Variants in UBE4B observed in about 807,000 individuals in gnomAD.
UBE4B encodes ubiquitin conjugation factor E4 B.
In UBE4B, 27 loss-of-function variants were observed where a neutral mutation model predicts 148.1. That is an observed-to-expected ratio of 0.18 (90% CI 0.13 to 0.25). UBE4B has a LOEUF of 0.25. Among genes scored for constraint, UBE4B ranks in the 10% least tolerant of loss-of-function variants. The pLI, the probability that UBE4B is intolerant of heterozygous loss-of-function variation, is 1.00. For missense variants in UBE4B, 1,170 were observed against 1,662.4 expected (o/e 0.70, Z 5.15); for synonymous variants, 596 against 619.3 (o/e 0.96, Z 0.56).
At chr1:10,124,698 A>G (rs1192808973) in intron 10 of UBE4B, among the ~76,000 whole-genome samples, 3 of 151,904 alleles carry the variant, frequency 2.0e-5, no homozygotes, top group Non-Finnish European at 2.9e-5. Context: ...TGAAATATCT[A>G]CCTCCTTTTA....
intron 2 of UBE4B, among the ~76,000 whole-genome samples, chr1:10,093,831 A>G (rs1644887250): frequency 6.6e-6 from 1 of 151,804 alleles, no homozygotes; most frequent in Non-Finnish European, 1.5e-5. Flanking sequence ...AGTAGCTGGG[A>G]TTATAGGAGT....
At chr1:10,162,416 G>A (rs531387696) in intron 23 of UBE4B, among the ~76,000 whole-genome samples, 8 of 151,870 alleles carry the variant, frequency 5.3e-5, no homozygotes, top group African/African-American at 1.7e-4. Flanking sequence ...CTTGTGATCC[G>A]CCTTCCTCGG....
chr1:10,125,345 G>A (rs1034936471), intron 10 of UBE4B, among the ~76,000 whole-genome samples: 1 of 152,174 alleles, frequency 6.6e-6, no homozygotes, highest in African/African-American at 2.4e-5. Context: ...GCATTCCCCA[G>A]CTCCACACCT....
intron 2 of UBE4B, among the ~76,000 whole-genome samples, chr1:10,090,284 T>C (rs1644825531): frequency 1.3e-5 from 2 of 152,154 alleles, no homozygotes; most frequent in South Asian, 4.1e-4. Context: ...CACGCTTGGC[T>C]CATTTTTGTA....
chr1:10,130,907 A>G, intron 14 of UBE4B, 94 bp downstream of exon 14: 2 of 1,128,332 alleles, frequency 1.8e-6, no homozygotes, highest in Non-Finnish European at 2.6e-6. Context: ...CCCAGTAGAC[A>G]AACGGCTAAC....
intron 15 of UBE4B, among the ~76,000 whole-genome samples, chr1:10,134,369 G>A (rs1441532735): frequency 6.6e-6 from 1 of 151,694 alleles, no homozygotes; most frequent in Admixed American, 6.6e-5. Context: ...AAAATTTGCC[G>A]GGCGTGGTGG....
chr1:10,123,288 GGGTGTGGTGACGGGTGTCTGTAATCCCA>G (rs1225394477), intron 10 of UBE4B, among the ~76,000 whole-genome samples: 1 of 151,896 alleles, frequency 6.6e-6, no homozygotes, highest in Non-Finnish European at 1.5e-5. Context: ...AAAATTAACT[GGGTGTGGTGACGGGTGTCTGTAATCCCA>G]GCTACTTGGG....
chr1:10,094,615 T>C (rs970048358), intron 2 of UBE4B, among the ~76,000 whole-genome samples: 3 of 151,786 alleles, frequency 2.0e-5, no homozygotes, highest in East Asian at 1.9e-4. Context: ...TTTGTATTTT[T>C]AGTAGAGACG....
At chr1:10,080,096 T>C (rs907133791) in intron 2 of UBE4B, among the ~76,000 whole-genome samples, 1 of 152,154 alleles carries the variant, frequency 6.6e-6, no homozygotes, top group African/African-American at 2.4e-5. Context: ...TAGATTTTTT[T>C]GGAGCATTTT....
intron 23 of UBE4B, among the ~76,000 whole-genome samples, chr1:10,166,964 CACACACAA>C (rs753904475): frequency 2.1e-5 from 3 of 139,776 alleles, no homozygotes; most frequent in African/African-American, 6.1e-5. Flanking sequence ...CACACACACA[CACACACAA>C]AAAAAAAAAA....
chr1:10,117,732 A>G (rs3762290), intron 8 of UBE4B, 132 bp downstream of exon 8: 194,051 of 1,139,374 alleles, frequency 0.17, 29,568 homozygotes, highest in African/African-American at 0.75. Flanking sequence ...GCCAGGCACA[A>G]TACTAGGAAC....
Position 10,106,413 on chromosome 1 carries a change from A to G in UBE4B, c.1026A>G (p.Ser342=). 1 of 1,613,580 alleles carries G rather than the reference A, an allele frequency of 6.2e-7. No homozygotes were observed. Among genetic ancestry groups the G allele is most frequent in the Non-Finnish European group, 8.5e-7 (1 of 1,179,716 alleles). The change falls in exon 7 of 28, where the codon TCA becomes TCG. Residue 342 remains serine (S), a synonymous_variant. Coordinates refer to ENST00000343090, the MANE Select transcript of UBE4B (RefSeq NM_001105562.3). The surrounding 1 kb of genome is among the most constrained non-coding windows in gnomAD (Gnocchi z 4.2). The part of the protein sequence containing the change: ...PYTVTHPWAS[S]GVSILSSSPS... Reference sequence around the variant, plus strand: ...CTGTCACTCACCCATGGGCGTCCTCAGGCGTCTCCATTCTGTCGAGCTCCC... The same window carrying G: ...CTGTCACTCACCCATGGGCGTCCTCGGGCGTCTCCATTCTGTCGAGCTCCC...
In UBE4B at chr1:10,105,554, A is replaced by T. The variant is rs752009916; in HGVS notation, c.619A>T (p.Met207Leu). 1.5e-5 allele frequency: 25 copies of T among 1,614,066 alleles called. No homozygotes were observed. The East Asian group carries it at 5.6e-4, about 36-fold the overall frequency. Residue 207 changes from methionine (M) to leucine (L), a missense_variant, in exon 6 of 28, where the codon ATG (methionine) becomes TTG (leucine). Transcript: ENST00000343090. The stretch of plus-strand genomic sequence containing the variant: ...TAAGGACTTGATTGGCCAGATTTTA[A>T]TGGAAGTGCTAATGATGTCCACTCA... Reference protein sequence around the residue: ...DFKDLIGQILMEVLMMSTQTR... With the variant: ...DFKDLIGQILLEVLMMSTQTR...
At chr1:10,097,699 A>G (rs2101878939) in intron 3 of UBE4B, among the ~76,000 whole-genome samples, 1 of 152,196 alleles carries the variant, frequency 6.6e-6, no homozygotes, top group East Asian at 1.9e-4. Flanking sequence ...AGTCCCAGCT[A>G]CTTTGGAGGC....
chr1:10,153,114 T>G (rs1646004604), intron 21 of UBE4B, among the ~76,000 whole-genome samples: 1 of 152,040 alleles, frequency 6.6e-6, no homozygotes, highest in Non-Finnish European at 1.5e-5. Context: ...AGTTTTCCAG[T>G]TCTCCTGCAG....
chr1:10,175,126 G>A (rs1450707111), intron 25 of UBE4B, among the ~76,000 whole-genome samples: 1 of 152,142 alleles, frequency 6.6e-6, no homozygotes, highest in Non-Finnish European at 1.5e-5. Context: ...GAGCCACTGA[G>A]CTTGATGCTC....
At chr1:10,150,492 G>A (rs930370458) in intron 20 of UBE4B, among the ~76,000 whole-genome samples, 1 of 152,146 alleles carries the variant, frequency 6.6e-6, no homozygotes, top group Admixed American at 6.5e-5. Flanking sequence ...TTGATCATAG[G>A]TTTTGTTTAT....
chr1:10,108,748 G>A (rs1179497891), intron 7 of UBE4B, among the ~76,000 whole-genome samples: 1 of 152,158 alleles, frequency 6.6e-6, no homozygotes, highest in Admixed American at 6.5e-5. Context: ...TTTGTATTAC[G>A]CTGAACATTT....
In UBE4B at chr1:10,161,326, C is replaced by T; in HGVS notation, c.3198+40C>T. ...CAGAGGCTTGGACAGCTTTGCAGGC[C>T]ATCTGCCTCCACACACGGGCAGAGC... is the stretch of plus-strand genomic sequence containing the variant. On this transcript the variant is annotated intron_variant, in intron 23 of 27. Transcript: ENST00000343090. This position sits in a 1 kb window ranked among gnomAD's most constrained non-coding sequence, Gnocchi z 4.1. 6.2e-7 allele frequency: 1 copy of T among 1,600,138 alleles called. No individual in the cohort carries two copies. The highest frequency in any genetic ancestry group is 2.2e-5 in the East Asian group (1 of 44,508).
Sources: allele counts gnomAD v4.1 joint callset (sites outside exome capture counted in the v4.1 genomes callset), GRCh38; gene constraint gnomAD v4.1.1; non-coding constraint Gnocchi (gnomAD v3.1); transcripts MANE v1.5; gene names NCBI Gene and HGNC (gene_info 2026-07-23, HGNC 2026-07-21).